Variants in RAB11FIP3 observed in about 807,000 individuals in gnomAD.
The protein encoded by RAB11FIP3 is rab11 family-interacting protein 3.
Under a neutral mutation model 77.8 loss-of-function variants are expected in RAB11FIP3, and 17 were observed. That is an observed-to-expected ratio of 0.22 (90% confidence interval 0.15 to 0.33). The LOEUF is 0.33. Among genes scored for constraint, RAB11FIP3 ranks in the 10% least tolerant of loss-of-function variants. The probability of loss-of-function intolerance (pLI) is 1.00; values close to 1 mark genes in which losing one functional copy is unlikely to be tolerated. For missense variants in RAB11FIP3, 1,005 were observed against 1,011.2 expected (o/e 0.99, Z 0.08); for synonymous variants, 437 against 448.2 (o/e 0.98, Z 0.31).
At chr16:481,152 T>G (rs2056033681) in intron 3 of RAB11FIP3, among the ~76,000 whole-genome samples, 1 of 152,026 alleles carries the variant, frequency 6.6e-6, no homozygotes, top group Non-Finnish European at 1.5e-5. Context: ...AGATGGGTCT[T>G]TATCACTCAG....
At chr16:473,416 G>A (rs564475692) in intron 3 of RAB11FIP3, among the ~76,000 whole-genome samples, 7 of 151,798 alleles carry the variant, frequency 4.6e-5, no homozygotes, top group Admixed American at 3.9e-4. Flanking sequence ...AGCATTCCGG[G>A]ATCACGTTAC....
intron 6 of RAB11FIP3, among the ~76,000 whole-genome samples, chr16:497,980 A>G (rs1275820913): frequency 6.6e-6 from 1 of 151,814 alleles, no homozygotes; most frequent in Non-Finnish European, 1.5e-5. Flanking sequence ...TTAAAAAAAA[A>G]AAAGGAAAAT....
chr16:470,535 G>T (rs554850807), intron 2 of RAB11FIP3, among the ~76,000 whole-genome samples: 26 of 152,380 alleles, frequency 1.7e-4, no homozygotes, highest in Admixed American at 1.2e-3. Flanking sequence ...TAGGCAAGTA[G>T]TTGAATTAAT....
chr16:429,127 T>G (rs542161827), intron 1 of RAB11FIP3, among the ~76,000 whole-genome samples: 1 of 152,252 alleles, frequency 6.6e-6, no homozygotes, highest in African/African-American at 2.4e-5. Context: ...TGGCAACAGA[T>G]AATTTACAGG....
chr16:516,754 G>A (rs1350454379), intron 9 of RAB11FIP3, among the ~76,000 whole-genome samples: 4 of 152,182 alleles, frequency 2.6e-5, no homozygotes, highest in African/African-American at 7.2e-5. Context: ...GCGGCCGCCC[G>A]TAATCCCAGC....
At chr16:510,094 G>GC (rs1184825430) in intron 8 of RAB11FIP3, among the ~76,000 whole-genome samples, 2 of 141,828 alleles carry the variant, frequency 1.4e-5, no homozygotes, top group African/African-American at 2.7e-5. Context: ...GCACCTCCAC[G>GC]CCCCGTCCCG....
At chr16:486,627 GACC>G (rs2056159547) in intron 4 of RAB11FIP3, among the ~76,000 whole-genome samples, 6 of 152,250 alleles carry the variant, frequency 3.9e-5, no homozygotes, top group African/African-American at 9.6e-5. Context: ...TCTGGGTGCA[GACC>G]GTCCGGTTCA....
rs373851155 is a variant in RAB11FIP3 at position 474,220 on chromosome 16, TTTGA to T, written c.903+2839_903+2842del. Among the ~76,000 whole-genome samples, 42 of 152,170 alleles carry T rather than the reference TTTGA, an allele frequency of 2.8e-4. 1 individual carries two copies. Among genetic ancestry groups the T allele is most frequent in the African/African-American group, 7.7e-4 (32 of 41,472 alleles). On this transcript the variant is annotated intron_variant, in intron 3 of 13. Coordinates refer to ENST00000262305, the MANE Select transcript of RAB11FIP3 (RefSeq NM_014700.4). ...CTGGTAGTCTTCAGGTAAATAAACC[TTTGA>T]TTGATTGGTTGATTGGTTGATTGAT...
chr16:497,449 G>A, intron 6 of RAB11FIP3: 2 of 1,226,448 alleles, frequency 1.6e-6, no homozygotes, highest in Admixed American at 3.1e-5. Context: ...TGCCGTCAGA[G>A]TCTGCCTTTG....
intron 6 of RAB11FIP3, among the ~76,000 whole-genome samples, chr16:502,150 C>T (rs73496270): frequency 0.05 from 7,577 of 152,338 alleles, 266 homozygotes; most frequent in African/African-American, 0.1. Flanking sequence ...CTCTTCTGTG[C>T]GAGTGCTCTG....
rs767140800 is a variant in RAB11FIP3, at chr16:488,899, G to A, written c.1164G>A (p.Glu388=). ...TCATCACGGTGATCGGGGGCGAGGAGCACTTTGAGGACTACGGTGAAGGCA... is the reference window on the plus strand; with the variant it reads ...TCATCACGGTGATCGGGGGCGAGGAACACTTTGAGGACTACGGTGAAGGCA... ...QSVITVIGGE[E]HFEDYGEGSE... Residue 388 remains glutamate (E), a synonymous_variant, in exon 5 of 14, where the codon GAG becomes GAA. Transcript: ENST00000262305. 13 of 1,613,922 alleles carry A rather than the reference G, an allele frequency of 8.1e-6. 1 individual carries two copies. Among genetic ancestry groups the A allele is most frequent in the African/African-American group, 1.3e-5 (1 of 74,888 alleles).
chr16:482,475 A>T, intron 3 of RAB11FIP3, 50 bp from the exon 4 acceptor site: 1 of 1,566,026 alleles, frequency 6.4e-7, no homozygotes, highest in Non-Finnish European at 8.8e-7. Flanking sequence ...GGGCGTTCGC[A>T]GTTCCCCTCC....
Position 520,612 on chromosome 16 carries a change from G to GT in RAB11FIP3, c.2157+14dup. 6.2e-7 allele frequency: 1 copy of GT among 1,612,564 alleles called. No individual in the cohort carries two copies. Among genetic ancestry groups the GT allele is most frequent in the Non-Finnish European group, 8.5e-7 (1 of 1,179,320 alleles). Reference sequence around the variant, plus strand: ...CTCCCGAGATGAGGTAACACATCCCGTGTCTGCACGGTGTGGCCTGGGGTC... The same window carrying GT: ...CTCCCGAGATGAGGTAACACATCCCGTTGTCTGCACGGTGTGGCCTGGGGTC... On this transcript the variant is annotated intron_variant, in intron 13 of 13. Coordinates refer to ENST00000262305, the MANE Select transcript of RAB11FIP3 (RefSeq NM_014700.4).
At chr16:519,257 G>A in intron 10 of RAB11FIP3, 1 of 565,642 alleles carries the variant, frequency 1.8e-6, no homozygotes, top group Non-Finnish European at 3.1e-6. Context: ...TCTGGGAATT[G>A]TCCTCCAAGG....
chr16:480,286 C>CAAAAAAAAGAAAGAAAAAAA (rs752259728), intron 3 of RAB11FIP3, among the ~76,000 whole-genome samples: 1 of 80,024 alleles, frequency 1.2e-5, no homozygotes, highest in African/African-American at 4.8e-5. Flanking sequence ...ACTCCTTCTC[C>CAAAAAAAAGAAAGAAAAAAA]AAAAAAAAAA....
chr16:468,392 T>TTTGATGTCA (rs1221488073), intron 2 of RAB11FIP3, among the ~76,000 whole-genome samples: 1 of 151,260 alleles, frequency 6.6e-6, no homozygotes, highest in East Asian at 1.9e-4. Context: ...TTTTGAGTAA[T>TTTGATGTCA]TTGATGTCAT....
intron 1 of RAB11FIP3, among the ~76,000 whole-genome samples, chr16:445,903 C>T (rs536020903): frequency 6.6e-6 from 1 of 152,248 alleles, no homozygotes; most frequent in East Asian, 1.9e-4. Flanking sequence ...TAGCAGCCTC[C>T]AGGTACAGGT....
At chr16:497,236 G>A (rs1286180331) in intron 6 of RAB11FIP3, 37 of 1,297,178 alleles carry the variant, frequency 2.9e-5, no homozygotes, top group South Asian at 6.2e-5. Flanking sequence ...AAGGTGAGTC[G>A]AAGGTGAGGG....
intron 10 of RAB11FIP3, 73 bp from the exon 11 acceptor site, chr16:519,681 C>T: frequency 1.9e-6 from 3 of 1,557,846 alleles, no homozygotes; most frequent in Non-Finnish European, 1.7e-6. Flanking sequence ...ATTGGAGGGA[C>T]AGACGGCCGG....
Sources: allele counts gnomAD v4.1 joint callset (sites outside exome capture counted in the v4.1 genomes callset), GRCh38; gene constraint gnomAD v4.1.1; transcripts MANE v1.5; gene names NCBI Gene and HGNC (gene_info 2026-07-23, HGNC 2026-07-21).